Variants in CSMD1 observed in about 807,000 individuals in gnomAD.
CSMD1 encodes CUB and Sushi multiple domains 1.
CSMD1 carries 213 observed loss-of-function variants against 417.5 expected under a neutral mutation model. The observed-to-expected ratio is 0.51, with a 90% confidence interval of 0.46 to 0.57. The LOEUF is 0.57. CSMD1 is among the 20% of genes least tolerant of loss of function. The pLI is 0.00. For missense variants in CSMD1, 6,923 were observed against 4,529.7 expected (o/e 1.53, Z -15.17); for synonymous variants, 2,862 against 1,736.8 (o/e 1.65, Z -16.11).
At chr8:4,821,307 C>G (rs1176332150) in intron 1 of CSMD1, among the ~76,000 whole-genome samples, 2 of 152,072 alleles carry the variant, frequency 1.3e-5, no homozygotes, top group African/African-American at 4.8e-5. Context: ...CAGTATAATC[C>G]AATCCATTTA....
chr8:3,570,112 GT>G (rs1280516372), intron 10 of CSMD1, among the ~76,000 whole-genome samples: 1 of 152,166 alleles, frequency 6.6e-6, no homozygotes, highest in African/African-American at 2.4e-5. Flanking sequence ...GTCATTTTAT[GT>G]TTTGGACAAG....
intron 3 of CSMD1, among the ~76,000 whole-genome samples, chr8:4,315,672 TATG>T (rs887500612): frequency 1.2e-3 from 178 of 152,302 alleles, no homozygotes; most frequent in African/African-American, 3.6e-3. Context: ...TCAGCATAAA[TATG>T]ATGATTATAA....
At chr8:3,806,837 C>A (rs1227705367) in intron 5 of CSMD1, among the ~76,000 whole-genome samples, 1 of 152,122 alleles carries the variant, frequency 6.6e-6, no homozygotes, top group Non-Finnish European at 1.5e-5. Context: ...ACCATTTGGT[C>A]TAGCTAGCAG....
intron 44 of CSMD1, 24 bp downstream of exon 44, chr8:3,108,579 C>A: frequency 6.2e-7 from 1 of 1,612,016 alleles, no homozygotes; most frequent in Non-Finnish European, 8.5e-7. Context: ...TCAGTCTTAA[C>A]TAACGGAGTG....
intron 23 of CSMD1, among the ~76,000 whole-genome samples, chr8:3,317,015 C>T (rs948071456): frequency 1.3e-5 from 2 of 151,980 alleles, no homozygotes; most frequent in Non-Finnish European, 2.9e-5. Context: ...ATGAAGCATG[C>T]ACAAATACTA....
chr8:4,380,103 TAAAAC>T (rs1803005781), intron 3 of CSMD1, among the ~76,000 whole-genome samples: 1 of 152,128 alleles, frequency 6.6e-6, no homozygotes, highest in Non-Finnish European at 1.5e-5. Flanking sequence ...GGGAGAAAAA[TAAAAC>T]AAATTCCTTG....
intron 5 of CSMD1, among the ~76,000 whole-genome samples, chr8:3,867,062 C>G (rs1474908274): frequency 6.6e-6 from 1 of 152,106 alleles, no homozygotes; most frequent in Non-Finnish European, 1.5e-5. Flanking sequence ...TTAGTTTTTA[C>G]TTTTCCAACC....
chr8:4,788,165 G>T (rs1797509460), intron 1 of CSMD1: 10 of 1,597,060 alleles, frequency 6.3e-6, no homozygotes, highest in Non-Finnish European at 7.7e-6. Context: ...AAAAAATCAA[G>T]AAGGCCTGTG....
intron 2 of CSMD1, among the ~76,000 whole-genome samples, chr8:4,611,647 A>C (rs914845466): frequency 6.6e-6 from 1 of 152,178 alleles, no homozygotes; most frequent in Admixed American, 6.5e-5. Context: ...CATTTTGTTA[A>C]GAGAAAAAGT....
At chr8:4,708,489 A>G (rs975197476) in intron 1 of CSMD1, among the ~76,000 whole-genome samples, 2 of 152,230 alleles carry the variant, frequency 1.3e-5, no homozygotes, top group Non-Finnish European at 2.9e-5. Context: ...CCATCCTGAT[A>G]AGTCACAATA....
chr8:3,473,735 G>A (rs990578876), intron 11 of CSMD1, among the ~76,000 whole-genome samples: 2 of 152,146 alleles, frequency 1.3e-5, no homozygotes, highest in Middle Eastern at 3.2e-3. Context: ...TTCCTAGCAG[G>A]GGTGGTGTCT....
chr8:3,809,469 T>G (rs999898156), intron 5 of CSMD1, among the ~76,000 whole-genome samples: 3 of 152,188 alleles, frequency 2.0e-5, no homozygotes, highest in Non-Finnish European at 2.9e-5. Context: ...TGGGGATAGT[T>G]CATACTGGGC....
At chr8:4,981,118 C>T (rs1419270522) in intron 1 of CSMD1, among the ~76,000 whole-genome samples, 1 of 152,136 alleles carries the variant, frequency 6.6e-6, no homozygotes, top group Non-Finnish European at 1.5e-5. Context: ...AGTAGCCTGC[C>T]TTTTCTGTAC....
intron 10 of CSMD1, among the ~76,000 whole-genome samples, 162 bp downstream of exon 10, chr8:3,574,783 C>CT (rs1800078606): frequency 6.6e-6 from 1 of 152,218 alleles, no homozygotes; most frequent in Admixed American, 6.5e-5. Context: ...TCAGACTGCT[C>CT]TGCAATGAAT....
rs117358857 is a variant in CSMD1 at position 4,586,717 on chromosome 8, T to A, written c.302+50625A>T. Among the ~76,000 whole-genome samples the A allele has an allele frequency of 2.8e-4, 42 of 152,292 alleles. No homozygotes were observed. In the East Asian group the frequency reaches 6.6e-3, roughly 24 times the overall value. ...CCGCCACACCATATTCCTTAAAGCA[T>A]CATGCCTGTGAGAGAGATCCTCCAT... On this transcript the variant is annotated intron_variant, in intron 2 of 69. Transcript: ENST00000635120.
intron 10 of CSMD1, among the ~76,000 whole-genome samples, chr8:3,508,310 G>C (rs963099598): frequency 4.1e-5 from 6 of 146,152 alleles, no homozygotes. Flanking sequence ...GGGCAGGTGA[G>C]AACACTTGGA....
At chr8:3,138,898 G>A (rs1469965550) in intron 41 of CSMD1, among the ~76,000 whole-genome samples, 1 of 152,192 alleles carries the variant, frequency 6.6e-6, no homozygotes, top group Non-Finnish European at 1.5e-5. Context: ...AATAAGTCCG[G>A]TCTGCCTTTT....
chr8:4,103,213 A>G (rs988354180), intron 3 of CSMD1, among the ~76,000 whole-genome samples: 1 of 151,454 alleles, frequency 6.6e-6, no homozygotes, highest in Non-Finnish European at 1.5e-5. Context: ...AAAGGTAAAT[A>G]TATATAATTA....
At chr8:4,959,818 T>G (rs1045166920) in intron 1 of CSMD1, among the ~76,000 whole-genome samples, 2 of 152,200 alleles carry the variant, frequency 1.3e-5, no homozygotes, top group Admixed American at 6.6e-5. Flanking sequence ...GATATCCACA[T>G]AGCTAACTAC....
Sources: gnomAD v4.1 joint callset for allele counts (sites outside exome capture counted in the v4.1 genomes callset) on GRCh38, gnomAD v4.1.1 for gene constraint, MANE v1.5 for transcripts, NCBI Gene and HGNC (gene_info 2026-07-23, HGNC 2026-07-21) for gene names.